The following SRBD1 variants were observed in gnomAD, a reference collection of about 807,000 sequenced individuals.
The protein encoded by SRBD1 is S1 RNA-binding domain-containing protein 1.
In SRBD1, 88 loss-of-function variants were observed where a neutral mutation model predicts 115.3. The observed-to-expected ratio is 0.76, with a 90% CI of 0.64 to 0.91. SRBD1 has a LOEUF of 0.91. Among genes scored for constraint, SRBD1 ranks in the 40% least tolerant of loss-of-function variants. The probability of loss-of-function intolerance (pLI) is 0.00; values close to 1 mark genes in which losing one functional copy is unlikely to be tolerated. For synonymous variants in SRBD1, 509 were observed against 407.7 expected (o/e 1.25, Z -2.99); for missense variants, 1,385 against 1,177.4 (o/e 1.18, Z -2.58).
chr2:45,420,126 C>A (rs930727328), intron 16 of SRBD1, among the ~76,000 whole-genome samples: 1 of 152,120 alleles, frequency 6.6e-6, no homozygotes. Context: ...AGTATTTTTC[C>A]CTTGCCTGAA....
At chr2:45,455,778 A>G (rs35150608) in intron 16 of SRBD1, among the ~76,000 whole-genome samples, 1 of 151,900 alleles carries the variant, frequency 6.6e-6, no homozygotes, top group Non-Finnish European at 1.5e-5. Flanking sequence ...TAAAAAAATA[A>G]CAGTGGTGAT....
chr2:45,415,682 GGGACGGGAGA>G (rs1273564348), intron 18 of SRBD1, among the ~76,000 whole-genome samples: 1 of 7,778 alleles, frequency 1.3e-4, no homozygotes, highest in African/African-American at 5.8e-4. Context: ...GGGAGGGGAG[GGGACGGGAGA>G]GGAGAGGAGA....
intron 4 of SRBD1, among the ~76,000 whole-genome samples, chr2:45,594,538 A>G (rs1177388883): frequency 6.6e-6 from 1 of 152,226 alleles, no homozygotes; most frequent in Non-Finnish European, 1.5e-5. Flanking sequence ...TCTGGTCGCA[A>G]TCACACATTT....
At chr2:45,434,937 C>A (rs1275916126) in intron 16 of SRBD1, among the ~76,000 whole-genome samples, 1 of 151,570 alleles carries the variant, frequency 6.6e-6, no homozygotes, top group Non-Finnish European at 1.5e-5. Flanking sequence ...CACCCCACGA[C>A]AGGCCCCGGT....
At chr2:45,574,489 G>A (rs1673116255) in intron 8 of SRBD1, 138 bp downstream of exon 8, 1 of 697,868 alleles carries the variant, frequency 1.4e-6, no homozygotes, top group African/African-American at 1.8e-5. Flanking sequence ...GGGCTCTGTT[G>A]TTTGAACAAA....
At chr2:45,401,472 C>G (rs963814715) in intron 19 of SRBD1, among the ~76,000 whole-genome samples, 1 of 152,148 alleles carries the variant, frequency 6.6e-6, no homozygotes, top group Non-Finnish European at 1.5e-5. Flanking sequence ...AAGCCAGGAA[C>G]GAGTCTTTCT....
intron 19 of SRBD1, among the ~76,000 whole-genome samples, chr2:45,412,261 T>A (rs747058095): frequency 6.6e-6 from 1 of 152,202 alleles, no homozygotes; most frequent in Non-Finnish European, 1.5e-5. Context: ...TTTTTCTGTA[T>A]GGCTAAATTT....
intron 16 of SRBD1, among the ~76,000 whole-genome samples, chr2:45,458,232 C>G (rs912360512): frequency 6.6e-6 from 1 of 152,006 alleles, no homozygotes; most frequent in Non-Finnish European, 1.5e-5. Context: ...AAGAGAGAAA[C>G]TTTTCCATTC....
chr2:45,413,980 A>C (rs1235301496), intron 18 of SRBD1, among the ~76,000 whole-genome samples: 1 of 152,126 alleles, frequency 6.6e-6, no homozygotes, highest in African/African-American at 2.4e-5. Context: ...TTGACATATC[A>C]TGGATAAACT....
In SRBD1 at chr2:45,510,424, T is replaced by C. The variant is rs140202448; in HGVS notation, c.1875-22093A>G. 2.3e-3 allele frequency among the ~76,000 whole-genome samples: 353 copies of C among 152,350 alleles called. 2 individuals carry two copies. The highest frequency in any genetic ancestry group is 8.3e-3 in the African/African-American group (344 of 41,574). ...AATTTATTGTCCTTCTGGAAAGCTA[T>C]GTTTTTCTCACAAAGATTAGAATTT... On this transcript the variant is annotated intron_variant, in intron 14 of 20. Coordinates refer to ENST00000263736, the MANE Select transcript of SRBD1 (RefSeq NM_018079.5).
chr2:45,392,326 G>C (rs1197543445), intron 20 of SRBD1, among the ~76,000 whole-genome samples: 1 of 152,180 alleles, frequency 6.6e-6, no homozygotes, highest in African/African-American at 2.4e-5. Context: ...TTAAATCTCA[G>C]GGGTTCCTAT....
rs149647145 is a variant in SRBD1 at position 45,516,800 on chromosome 2, G to A, written c.1875-28469C>T. On this transcript the variant is annotated intron_variant, in intron 14 of 20. Coordinates refer to ENST00000263736, the MANE Select transcript of SRBD1 (RefSeq NM_018079.5). The stretch of plus-strand genomic sequence containing the variant: ...TAAGGAATTTTAACATGGTTCTGCA[G>A]GAAAGGCATTTTGTTAATATAAATA... Among the ~76,000 whole-genome samples, 772 of 152,222 alleles carry A rather than the reference G, an allele frequency of 5.1e-3. 10 individuals are homozygous for A. Among genetic ancestry groups the A allele is most frequent in the African/African-American group, 0.017 (722 of 41,522 alleles).
intron 4 of SRBD1, among the ~76,000 whole-genome samples, chr2:45,595,087 T>C (rs1417831972): frequency 6.6e-6 from 1 of 152,246 alleles, no homozygotes; most frequent in Non-Finnish European, 1.5e-5. Flanking sequence ...TGAAATGAAG[T>C]GTTGCTTGAT....
At chr2:45,548,016 T>C (rs767885227) in intron 12 of SRBD1, among the ~76,000 whole-genome samples, 2 of 152,056 alleles carry the variant, frequency 1.3e-5, no homozygotes, top group African/African-American at 2.4e-5. Context: ...TATTTAAGAC[T>C]TATGAGCTTT....
At chr2:45,493,954 A>C (rs1244960288) in intron 14 of SRBD1, among the ~76,000 whole-genome samples, 1 of 152,184 alleles carries the variant, frequency 6.6e-6, no homozygotes, top group Non-Finnish European at 1.5e-5. Context: ...AAAATCACAA[A>C]AATGTACATT....
chr2:45,445,550 T>TAAA (rs59451865), intron 16 of SRBD1, among the ~76,000 whole-genome samples: 2,346 of 36,890 alleles, frequency 0.064, 236 homozygotes, highest in Non-Finnish European at 0.09. Flanking sequence ...TTCCCAGAGG[T>TAAA]AAAAAAAAAA....
chr2:45,585,884 C>A, intron 4 of SRBD1, 110 bp from the exon 5 acceptor site: 1 of 827,390 alleles, frequency 1.2e-6, no homozygotes. Context: ...TTAGAAACTA[C>A]TTGCTATAGT....
intron 10 of SRBD1, among the ~76,000 whole-genome samples, chr2:45,558,349 T>G (rs890848918): frequency 2.6e-5 from 4 of 152,322 alleles, no homozygotes; most frequent in East Asian, 1.9e-4. Flanking sequence ...AGATACGTTT[T>G]TATTTAGAGA....
chr2:45,546,572 G>A (rs1385388690), intron 14 of SRBD1, among the ~76,000 whole-genome samples, 160 bp downstream of exon 14: 2 of 152,198 alleles, frequency 1.3e-5, no homozygotes, highest in Admixed American at 6.5e-5. Context: ...CCAAGAGTCA[G>A]ACACTTTACA....
Sources: allele counts gnomAD v4.1 joint callset (sites outside exome capture counted in the v4.1 genomes callset), GRCh38; gene constraint gnomAD v4.1.1; transcripts MANE v1.5; gene names NCBI Gene and HGNC (gene_info 2026-07-23, HGNC 2026-07-21).